YTHDC2: variants seen among roughly 807,000 people sequenced by gnomAD.
YTHDC2 encodes YTH N6-methyladenosine RNA binding protein C2.
YTHDC2 carries 45 observed loss-of-function variants against 174.9 expected under a neutral mutation model. The ratio of observed to expected loss-of-function variants is 0.26; its 90% CI spans 0.20 to 0.33. The LOEUF is 0.33. Among genes scored for constraint, YTHDC2 ranks in the 10% least tolerant of loss-of-function variants. The pLI is 1.00. For missense variants in YTHDC2, 1,650 were observed against 1,723.7 expected, an observed-to-expected ratio of 0.96 and a Z score of 0.76; for synonymous variants, 657 against 574.5, an observed-to-expected ratio of 1.14 and a Z score of -2.05.
chr5:113,550,525 G>C (rs4705830), intron 12 of YTHDC2, among the ~76,000 whole-genome samples: 3 of 152,056 alleles, frequency 2.0e-5, no homozygotes, highest in African/African-American at 7.2e-5. Context: ...AAAATTGTAG[G>C]AACTGGTGTG....
chr5:113,540,802 C>T (rs1473862923), intron 8 of YTHDC2, among the ~76,000 whole-genome samples, 166 bp from the exon 9 acceptor site: 1 of 152,122 alleles, frequency 6.6e-6, no homozygotes, highest in Admixed American at 6.5e-5. Context: ...TTTGTTTCAG[C>T]ATAACACATT....
At chr5:113,579,879 C>T (rs1375220552) in intron 24 of YTHDC2, 184 bp downstream of exon 24, 1 of 985,294 alleles carries the variant, frequency 1.0e-6, no homozygotes, top group South Asian at 4.7e-5. Context: ...CAACAGAGGA[C>T]TTGGAAAACC....
rs1779187010 is a variant in YTHDC2, at chr5:113,594,972, C to G, written c.*1498C>G. 2 of 152,132 alleles carry G rather than the reference C, an allele frequency of 1.3e-5. No homozygotes were observed. Among genetic ancestry groups the G allele is most frequent in the South Asian group, 2.1e-4 (1 of 4,810 alleles). The allele number at this position is 152,132 out of a possible 1,614,324, so 9.4% of individuals were successfully genotyped here. A position where few individuals can be genotyped will look rare whatever the true frequency, so the allele number is the denominator to read the frequency against. On this transcript the variant is annotated 3_prime_UTR_variant, in exon 30 of 30. Transcript: ENST00000161863. ...GGTTTTCTTGTACTTTAAGACATAC[C>G]TGTAAATTGAACCTATTTGAATTAT... is the stretch of plus-strand genomic sequence containing the variant.
At chr5:113,563,278 C>T in intron 18 of YTHDC2, 95 bp from the exon 19 acceptor site, 1 of 1,051,892 alleles carries the variant, frequency 9.5e-7, no homozygotes, top group Non-Finnish European at 1.3e-6. Flanking sequence ...CTCTACTAGT[C>T]TGTGTTTGGG....
rs1779027187 is a variant in YTHDC2, at chr5:113,591,976, T to G, written c.4030-20T>G. On this transcript the variant is annotated intron_variant, in intron 27 of 29. Transcript: ENST00000161863. The stretch of plus-strand genomic sequence containing the variant: ...TAATCTCCTCCTCACCTCTATTCCT[T>G]CCTCCCATTTTACCTACAGGGATTT... 1 of 1,576,894 alleles carries G rather than the reference T, an allele frequency of 6.3e-7. No individual in the cohort carries two copies. Among genetic ancestry groups the G allele is most frequent in the East Asian group, 2.3e-5 (1 of 44,052 alleles).
chr5:113,574,261 C>T (rs546976510), intron 23 of YTHDC2, among the ~76,000 whole-genome samples: 1 of 152,228 alleles, frequency 6.6e-6, no homozygotes, highest in South Asian at 2.1e-4. Context: ...TCAGTTGCCT[C>T]AGTTTTTCCT....
At position 113,595,021 on chromosome 5, in the gene YTHDC2, C is replaced by T. The variant is rs961433815; in HGVS notation, c.*1547C>T. 1.3e-5 allele frequency: 2 copies of T among 151,926 alleles called. No individual in the cohort carries two copies. Among genetic ancestry groups the T allele is most frequent in the Admixed American group, 1.3e-4 (2 of 15,234 alleles). The allele number at this position is 151,926 out of a possible 1,614,324, so 9.4% of individuals were successfully genotyped here. A position where few individuals can be genotyped will look rare whatever the true frequency, so the allele number is the denominator to read the frequency against. The stretch of plus-strand genomic sequence containing the variant: ...ATATTCCACTGTATGTGTATTATGG[C>T]TCTTTTCCTATTAGAGCAACTTGTG... On this transcript the variant is annotated 3_prime_UTR_variant, in exon 30 of 30. Coordinates refer to ENST00000161863, the MANE Select transcript of YTHDC2 (RefSeq NM_022828.5).
At chr5:113,548,371 G>A (rs923274839) in intron 10 of YTHDC2, among the ~76,000 whole-genome samples, 170 bp from the exon 11 acceptor site, 1 of 152,120 alleles carries the variant, frequency 6.6e-6, no homozygotes, top group African/African-American at 2.4e-5. Context: ...ACAGATTGCT[G>A]TAAGTGATCT....
intron 23 of YTHDC2, among the ~76,000 whole-genome samples, chr5:113,579,140 A>C (rs754964946): frequency 6.6e-6 from 1 of 151,378 alleles, no homozygotes; most frequent in South Asian, 2.1e-4. Context: ...ATTTTCTTCT[A>C]CTTTTCTTTG....
chr5:113,542,421 T>A lies in YTHDC2; in HGVS notation c.1413T>A (p.Ala471=), dbSNP rs1442004758. ...CATGGTTAATAAAGGAAATGGATGC[T>A]TGCCTTTCTGATATATGGCTACATA... ...LEPWLIKEMD[A]CLSDIWLHKD... The change falls in exon 10 of 30, where the codon GCT becomes GCA. Residue 471 remains alanine, a synonymous_variant. Transcript: ENST00000161863. The A allele has an allele frequency of 6.2e-7, 1 of 1,613,084 alleles. No homozygotes were observed. The highest frequency in any genetic ancestry group is 1.1e-5 in the South Asian group (1 of 90,712).
At chr5:113,518,565 G>C (rs1359951561) in intron 2 of YTHDC2, among the ~76,000 whole-genome samples, 1 of 45,048 alleles carries the variant, frequency 2.2e-5, no homozygotes, top group African/African-American at 2.0e-4. Flanking sequence ...TCGTGTGTGT[G>C]TGTGTGTGTG....
At chr5:113,557,543 C>A (rs543482087) in intron 17 of YTHDC2, among the ~76,000 whole-genome samples, 9 of 152,208 alleles carry the variant, frequency 5.9e-5, no homozygotes, top group African/African-American at 9.6e-5. Flanking sequence ...CTTGTAATCC[C>A]AGCACTTTGG....
At position 113,594,677 on chromosome 5, in the gene YTHDC2, T is replaced by C. The variant is rs144892647; in HGVS notation, c.*1203T>C. ...GAGCAACAGGGAAAAATGAAAGAAA[T>C]GTCTTGGTTACTGAGCTCTAAATAG... On this transcript the variant is annotated 3_prime_UTR_variant, in exon 30 of 30. Transcript: ENST00000161863. 8.9e-4 allele frequency: 136 copies of C among 152,262 alleles called. No homozygotes were observed. The highest frequency in any genetic ancestry group is 3.0e-3 in the African/African-American group (125 of 41,556). 9.4% of individuals were successfully genotyped at this position (152,262 alleles called of 1,614,324 possible).
intron 10 of YTHDC2, among the ~76,000 whole-genome samples, chr5:113,545,140 C>T (rs567955660): frequency 6.6e-6 from 1 of 152,098 alleles, no homozygotes; most frequent in South Asian, 2.1e-4. Flanking sequence ...TAAGCTTTCT[C>T]TGTTTGTCAA....
intron 25 of YTHDC2, chr5:113,582,342 T>G (rs1383188647): frequency 6.6e-6 from 1 of 152,242 alleles, no homozygotes; most frequent in African/African-American, 2.4e-5. Flanking sequence ...CTTCTTTTCT[T>G]CTTTTGCAAT....
intron 13 of YTHDC2, 102 bp from the exon 14 acceptor site, chr5:113,553,488 G>T: frequency 1.4e-6 from 2 of 1,449,098 alleles, no homozygotes. Flanking sequence ...TCTTATGATA[G>T]TTTACCAGTA....
intron 12 of YTHDC2, among the ~76,000 whole-genome samples, chr5:113,550,080 C>CA (rs1466591308): frequency 1.4e-5 from 2 of 144,118 alleles, no homozygotes; most frequent in Admixed American, 1.4e-4. Flanking sequence ...ATGTGCTTCA[C>CA]AAAAAAGAAG....
At chr5:113,518,073 A>G (rs1773594170) in intron 2 of YTHDC2, among the ~76,000 whole-genome samples, 1 of 151,912 alleles carries the variant, frequency 6.6e-6, no homozygotes, top group African/African-American at 2.4e-5. Context: ...TATTTTCAGT[A>G]GAGATGGGGT....
intron 10 of YTHDC2, among the ~76,000 whole-genome samples, chr5:113,543,789 A>G (rs770008768): frequency 6.6e-6 from 1 of 152,206 alleles, no homozygotes; most frequent in African/African-American, 2.4e-5. Context: ...TTCTTCATGT[A>G]TGCCAACACA....
Sources: allele counts gnomAD v4.1 joint callset (sites outside exome capture counted in the v4.1 genomes callset), GRCh38; gene constraint gnomAD v4.1.1; transcripts MANE v1.5; gene names NCBI Gene and HGNC (gene_info 2026-07-23, HGNC 2026-07-21).